EPB41L2: variants seen among roughly 807,000 people sequenced by gnomAD.
The protein encoded by EPB41L2 is erythrocyte membrane protein band 4.1 like 2.
Under a neutral mutation model 113.0 loss-of-function variants are expected in EPB41L2, and 43 were observed. The observed-to-expected ratio is 0.38, with a 90% confidence interval of 0.30 to 0.49. The LOEUF is 0.49. Among genes scored for constraint, EPB41L2 ranks in the 20% least tolerant of loss-of-function variants. The pLI, the probability that EPB41L2 is intolerant of heterozygous loss-of-function variation, is 0.95. For missense variants in EPB41L2, 1,147 were observed against 1,223.4 expected (o/e 0.94, Z 0.93); for synonymous variants, 442 against 436.7 (o/e 1.01, Z -0.15).
intron 5 of EPB41L2, among the ~76,000 whole-genome samples, chr6:130,908,183 T>A (rs1798283961): frequency 6.6e-6 from 1 of 152,174 alleles, no homozygotes; most frequent in Non-Finnish European, 1.5e-5. Flanking sequence ...GAACTGAAGC[T>A]GGTTAGAGTG....
intron 1 of EPB41L2, among the ~76,000 whole-genome samples, chr6:130,994,424 A>G (rs544989555): frequency 6.6e-6 from 1 of 152,272 alleles, no homozygotes; most frequent in East Asian, 1.9e-4. Flanking sequence ...TGTCCTGGGG[A>G]AAACCTAACG....
At chr6:130,852,793 C>G (rs760101249) in intron 19 of EPB41L2, among the ~76,000 whole-genome samples, 8 of 152,168 alleles carry the variant, frequency 5.3e-5, no homozygotes, top group African/African-American at 9.7e-5. Flanking sequence ...CCTCCTGCAT[C>G]TCCATCGCTC....
chr6:130,897,565 A>C (rs1795035073), intron 8 of EPB41L2, among the ~76,000 whole-genome samples: 1 of 152,236 alleles, frequency 6.6e-6, no homozygotes, highest in South Asian at 2.1e-4. Flanking sequence ...TCTAACTAAC[A>C]ATCAACAAAG....
chr6:130,976,414 T>A (rs1377088436), intron 1 of EPB41L2, among the ~76,000 whole-genome samples: 3 of 152,182 alleles, frequency 2.0e-5, no homozygotes, highest in African/African-American at 7.2e-5. Context: ...CTACCAGACA[T>A]CTTAGCAATG....
intron 1 of EPB41L2, among the ~76,000 whole-genome samples, chr6:131,050,945 A>G (rs1796396314): frequency 6.6e-6 from 1 of 152,246 alleles, no homozygotes; most frequent in East Asian, 1.9e-4. Flanking sequence ...CTAAAGACAG[A>G]CAAACCAAGA....
intron 17 of EPB41L2, among the ~76,000 whole-genome samples, chr6:130,864,779 T>C (rs1003277699): frequency 1.3e-5 from 2 of 152,018 alleles, no homozygotes; most frequent in South Asian, 4.2e-4. Context: ...AAATTACTTT[T>C]GCTGTTTTTT....
intron 1 of EPB41L2, among the ~76,000 whole-genome samples, chr6:130,994,671 G>C (rs1694976484): frequency 6.6e-6 from 1 of 152,126 alleles, no homozygotes; most frequent in Non-Finnish European, 1.5e-5. Flanking sequence ...ATATATACAT[G>C]TTTATATATT....
At chr6:130,926,534 C>T in intron 4 of EPB41L2, 71 bp downstream of exon 4, 1 of 1,116,050 alleles carries the variant, frequency 9.0e-7, no homozygotes, top group South Asian at 1.4e-5. Flanking sequence ...AAATTTTAAA[C>T]TGAGATAAAC....
At chr6:130,954,822 A>T (rs1267312142) in intron 3 of EPB41L2, among the ~76,000 whole-genome samples, 2 of 152,330 alleles carry the variant, frequency 1.3e-5, no homozygotes, top group South Asian at 4.1e-4. Context: ...TCCTCAAGAA[A>T]AACATCTTCT....
intron 1 of EPB41L2, among the ~76,000 whole-genome samples, chr6:131,009,552 A>T (rs1437561084): frequency 6.6e-6 from 1 of 151,930 alleles, no homozygotes; most frequent in Non-Finnish European, 1.5e-5. Flanking sequence ...AAAATTATAG[A>T]CTTAAAAAGA....
chr6:130,859,226 G>T (rs891541936), intron 18 of EPB41L2, among the ~76,000 whole-genome samples: 8 of 152,190 alleles, frequency 5.3e-5, no homozygotes, highest in Non-Finnish European at 1.2e-4. Flanking sequence ...TGAAGTCTAG[G>T]AAAGAATTCT....
At chr6:130,926,456 G>C (rs956594190) in intron 4 of EPB41L2, 149 bp downstream of exon 4, 6 of 628,210 alleles carry the variant, frequency 9.6e-6, no homozygotes, top group Non-Finnish European at 1.4e-5. Context: ...CTCTACACAA[G>C]ATAGTTTTTC....
intron 1 of EPB41L2, among the ~76,000 whole-genome samples, chr6:131,049,548 G>C (rs1490752484): frequency 1.3e-5 from 2 of 152,156 alleles, no homozygotes; most frequent in African/African-American, 4.8e-5. Context: ...CCAGAGTCTA[G>C]AAGCAACTAA....
chr6:131,002,744 G>A (rs991734296), intron 1 of EPB41L2, among the ~76,000 whole-genome samples: 6 of 152,142 alleles, frequency 3.9e-5, no homozygotes, highest in African/African-American at 1.2e-4. Context: ...ACCCTAAAAT[G>A]GCAACAATCC....
At chr6:131,044,018 GC>G (rs1213979726) in intron 1 of EPB41L2, among the ~76,000 whole-genome samples, 62 of 126,984 alleles carry the variant, frequency 4.9e-4, no homozygotes, top group African/African-American at 1.9e-3. Context: ...TCTAAATAAT[GC>G]TTTTTTTTTT....
At chr6:130,909,811 C>A (rs1701181805) in intron 4 of EPB41L2, among the ~76,000 whole-genome samples, 1 of 152,102 alleles carries the variant, frequency 6.6e-6, no homozygotes, top group South Asian at 2.1e-4. Flanking sequence ...CCTAGGAATA[C>A]AACTTACAAG....
chr6:131,053,839 T>G (rs950090162), intron 1 of EPB41L2, among the ~76,000 whole-genome samples: 21 of 152,264 alleles, frequency 1.4e-4, no homozygotes, highest in Admixed American at 2.6e-4. Context: ...TCTCCCTTTT[T>G]GTTTTTTAAT....
intron 3 of EPB41L2, among the ~76,000 whole-genome samples, chr6:130,928,466 C>T (rs1351302322): frequency 6.6e-6 from 1 of 152,196 alleles, no homozygotes; most frequent in Non-Finnish European, 1.5e-5. Flanking sequence ...GGTTATGATG[C>T]TATTTGAAAT....
chr6:130,870,351 T>G (rs958482672), intron 14 of EPB41L2: 7 of 1,550,646 alleles, frequency 4.5e-6, no homozygotes. Context: ...CTGGCTCCAG[T>G]GCAAGGCCCT....
Sources: gnomAD v4.1 joint callset for allele counts (sites outside exome capture counted in the v4.1 genomes callset) on GRCh38, gnomAD v4.1.1 for gene constraint, MANE v1.5 for transcripts, NCBI Gene and HGNC (gene_info 2026-07-23, HGNC 2026-07-21) for gene names.